The following NBAS variants were observed in gnomAD, a reference collection of about 807,000 sequenced individuals.
NBAS encodes the protein NAG/BC035112 fusion.
Under a neutral mutation model 302.5 loss-of-function variants are expected in NBAS, and 219 were observed. The ratio of observed to expected loss-of-function variants is 0.72; its 90% CI spans 0.65 to 0.81. NBAS has a LOEUF of 0.81. NBAS is among the 30% of genes least tolerant of loss of function. NBAS has a pLI of 0.00. For missense variants in NBAS, 2,932 were observed against 2,841.6 expected (o/e 1.03, Z -0.72); for synonymous variants, 1,118 against 1,021.6 (o/e 1.09, Z -1.80).
the NBAS span, among the ~76,000 whole-genome samples, chr2:14,985,765 T>C: frequency 6.6e-6 from 1 of 152,338 alleles, no homozygotes; most frequent in East Asian, 1.9e-4. Context: ...TGGCTTCCAC[T>C]TTGAATTTCT....
chr2:15,396,953 C>T (rs946118892), intron 26 of NBAS, among the ~76,000 whole-genome samples: 12 of 152,168 alleles, frequency 7.9e-5, no homozygotes, highest in African/African-American at 2.9e-4. Flanking sequence ...ATAATCATCC[C>T]TTGTGCTTTA....
chr2:15,144,449 A>G, the NBAS span, among the ~76,000 whole-genome samples: 5 of 152,166 alleles, frequency 3.3e-5, no homozygotes, highest in Non-Finnish European at 5.9e-5. Flanking sequence ...GTTTATTACT[A>G]TTGATTCAGA....
chr2:15,035,116 GTT>G, the NBAS span, among the ~76,000 whole-genome samples: 34 of 138,932 alleles, frequency 2.4e-4, no homozygotes, highest in East Asian at 8.1e-4. Context: ...GGAGTGTGGG[GTT>G]TTTTTTTTTT....
At chr2:15,167,900 G>A (rs921963770) in intron 51 of NBAS, among the ~76,000 whole-genome samples, 2 of 152,154 alleles carry the variant, frequency 1.3e-5, no homozygotes, top group African/African-American at 4.8e-5. Context: ...TGAGAGAAGA[G>A]TATGTCCCTC....
the NBAS span, among the ~76,000 whole-genome samples, chr2:15,087,480 A>C: frequency 6.6e-6 from 1 of 152,212 alleles, no homozygotes; most frequent in Admixed American, 6.5e-5. Context: ...GACTAATGAC[A>C]TTTGGCTGCA....
chr2:14,956,478 C>A, the NBAS span, among the ~76,000 whole-genome samples: 1 of 152,280 alleles, frequency 6.6e-6, no homozygotes, highest in South Asian at 2.1e-4. Context: ...CTCTGTAGTA[C>A]CAATTTACTG....
intron 31 of NBAS, among the ~76,000 whole-genome samples, chr2:15,368,368 T>C (rs890370783): frequency 2.0e-5 from 3 of 152,066 alleles, no homozygotes; most frequent in African/African-American, 4.8e-5. Context: ...CCTGGCTAAC[T>C]TTTGTATTCT....
At chr2:15,021,745 C>T in the NBAS span, among the ~76,000 whole-genome samples, 2 of 152,208 alleles carry the variant, frequency 1.3e-5, no homozygotes, top group African/African-American at 4.8e-5. Flanking sequence ...GGCTTCTGGA[C>T]AGCACATAGC....
the NBAS span, among the ~76,000 whole-genome samples, chr2:14,958,333 C>T: frequency 6.6e-6 from 1 of 152,144 alleles, no homozygotes; most frequent in African/African-American, 2.4e-5. Flanking sequence ...CTCATCTGGG[C>T]AGGGTTGGAT....
chr2:15,530,272 G>A (rs1663157568), intron 9 of NBAS, among the ~76,000 whole-genome samples: 1 of 151,862 alleles, frequency 6.6e-6, no homozygotes, highest in South Asian at 2.1e-4. Context: ...AAAACACCCT[G>A]GGGCTCACTA....
chr2:15,541,418 T>A (rs192436391), intron 6 of NBAS, among the ~76,000 whole-genome samples: 195 of 152,328 alleles, frequency 1.3e-3, no homozygotes, highest in African/African-American at 4.6e-3. Context: ...GTGAATTCTA[T>A]AACGGAAGTC....
At chr2:15,375,317 T>C (rs1427199465) in intron 30 of NBAS, among the ~76,000 whole-genome samples, 1 of 152,216 alleles carries the variant, frequency 6.6e-6, no homozygotes, top group East Asian at 1.9e-4. Context: ...TAAATTTTTG[T>C]TTAAATTCAA....
chr2:15,445,291 G>A (rs1412445066), intron 21 of NBAS, among the ~76,000 whole-genome samples: 2 of 146,662 alleles, frequency 1.4e-5, no homozygotes, highest in Non-Finnish European at 3.0e-5. Flanking sequence ...TTAAGAAAAT[G>A]TGGCACATAT....
At chr2:15,435,939 A>G (rs999620640) in intron 21 of NBAS, among the ~76,000 whole-genome samples, 4 of 152,226 alleles carry the variant, frequency 2.6e-5, no homozygotes, top group African/African-American at 9.6e-5. Flanking sequence ...GCATAATAAT[A>G]ACATATAAGC....
At chr2:15,025,502 T>C in the NBAS span, among the ~76,000 whole-genome samples, 7 of 152,316 alleles carry the variant, frequency 4.6e-5, no homozygotes, top group African/African-American at 1.7e-4. Flanking sequence ...CTGTGAAGAA[T>C]GTCATTGGTA....
chr2:15,316,002 A>G lies in NBAS; in HGVS notation c.4583-6755T>C, dbSNP rs546852546. The stretch of plus-strand genomic sequence containing the variant: ...CACAAACCATATGAAGCAATATTTG[A>G]CAAAATATTCAGAAAAGATGGTAAG... On this transcript the variant is annotated intron_variant, in intron 38 of 51. Transcript: ENST00000281513. Among the ~76,000 whole-genome samples the G allele has an allele frequency of 6.1e-4, 93 of 152,350 alleles. 1 individual carries two copies. The highest frequency in any genetic ancestry group is 2.2e-3 in the African/African-American group (93 of 41,582).
At chr2:15,344,861 C>T (rs1673017229) in intron 35 of NBAS, among the ~76,000 whole-genome samples, 1 of 152,088 alleles carries the variant, frequency 6.6e-6, no homozygotes, top group Admixed American at 6.6e-5. Context: ...GTTCAAAATA[C>T]AAAATCAATA....
At chr2:15,299,146 C>G (rs887032092) in intron 40 of NBAS, among the ~76,000 whole-genome samples, 1 of 152,190 alleles carries the variant, frequency 6.6e-6, no homozygotes, top group Non-Finnish European at 1.5e-5. Context: ...GCTTCAAAAT[C>G]TTCCATATTC....
intron 25 of NBAS, among the ~76,000 whole-genome samples, chr2:15,403,935 C>A (rs1286250435): frequency 7.3e-6 from 1 of 137,466 alleles, no homozygotes; most frequent in Non-Finnish European, 1.5e-5. Flanking sequence ...GATACAAGGT[C>A]TCACTATGTT....
Sources: gnomAD v4.1 joint callset for allele counts (sites outside exome capture counted in the v4.1 genomes callset) on GRCh38, gnomAD v4.1.1 for gene constraint, MANE v1.5 for transcripts, NCBI Gene and HGNC (gene_info 2026-07-23, HGNC 2026-07-21) for gene names.